The following GTPBP8 variants were observed in gnomAD, a reference collection of about 807,000 sequenced individuals.
GTPBP8 encodes GTP binding protein 8, also known as GTP-binding protein 8.
GTPBP8 carries 21 observed loss-of-function variants against 27.3 expected under a neutral mutation model. The observed-to-expected ratio is 0.77, with a 90% CI of 0.55 to 1.11. GTPBP8 has a LOEUF of 1.11. Among genes scored for constraint, GTPBP8 ranks in the 50% least tolerant of loss-of-function variants. The pLI is 0.00. For missense variants in GTPBP8, 380 were observed against 350.8 expected, an observed-to-expected ratio of 1.08 and a Z score of -0.67; for synonymous variants, 147 against 135.3, an observed-to-expected ratio of 1.09 and a Z score of -0.60.
intron 5 of GTPBP8, 51 bp downstream of exon 5, chr3:112,999,615 A>C: frequency 1.3e-6 from 1 of 752,160 alleles, no homozygotes; most frequent in Non-Finnish European, 2.3e-6. Flanking sequence ...AATCTTGAGA[A>C]TGTTGTGGGT....
chr3:112,991,147 C>T lies in GTPBP8; in HGVS notation c.148C>T (p.Pro50Ser), dbSNP rs146268536. 6 of 1,613,974 alleles carry T rather than the reference C, an allele frequency of 3.7e-6. No individual in the cohort carries two copies. The highest frequency in any genetic ancestry group is 5.1e-6 in the Non-Finnish European group (6 of 1,180,042). ...PKQQLRKLLY[P>S]LQEVERFLAP... ...GCAGCAGCTGAGGAAGCTGCTGTAC[C>T]CGCTGCAGGAAGTAGAGCGGTTCCT... The change falls in exon 1 of 6, where the codon CCG becomes TCG. Residue 50 changes from proline (P) to serine (S), a missense_variant. By Grantham distance (74) the Pro-to-Ser change is moderately conservative. Transcript: ENST00000383678.
rs1237341067 is a variant in GTPBP8, at chr3:113,001,308, A to AAGGGGGC, written c.*390_*396dup. 1 of 154,310 alleles carries AAGGGGGC rather than the reference A, an allele frequency of 6.5e-6. No individual in the cohort carries two copies. The highest frequency in any genetic ancestry group is 2.4e-5 in the African/African-American group (1 of 41,528). The allele number at this position is 154,310 out of a possible 1,614,324, so 9.6% of individuals were successfully genotyped here. A position where few individuals can be genotyped will look rare whatever the true frequency, so the allele number is the denominator to read the frequency against. ...TTAAATGTTAAAATGGGCTAGGTAA[A>AAGGGGGC]AGGGGGCTGCTTTTCTGTTAAGCAT... On this transcript the variant is annotated 3_prime_UTR_variant, in exon 6 of 6. Coordinates refer to ENST00000383678, the MANE Select transcript of GTPBP8 (RefSeq NM_014170.4).
chr3:113,001,274 AT>A lies in GTPBP8; in HGVS notation c.*365del, dbSNP rs11284516. 90,746 of 155,874 alleles carry A rather than the reference AT, an allele frequency of 0.58. 30,077 individuals are homozygous for A. Among genetic ancestry groups the A allele is most frequent in the Non-Finnish European group, 0.75 (52,840 of 70,890 alleles). The allele number at this position is 155,874 out of a possible 1,614,324, so 9.7% of individuals were successfully genotyped here. A position where few individuals can be genotyped will look rare whatever the true frequency, so the allele number is the denominator to read the frequency against. Reference sequence around the variant, plus strand: ...TTTAAAGAATATGTCTACTATGGGTATTTTTTTTTTAAATGTTAAAATGGGC... The same window carrying A: ...TTTAAAGAATATGTCTACTATGGGTATTTTTTTTTAAATGTTAAAATGGGC... On this transcript the variant is annotated 3_prime_UTR_variant, in exon 6 of 6. Coordinates refer to ENST00000383678, the MANE Select transcript of GTPBP8 (RefSeq NM_014170.4).
intron 3 of GTPBP8, 35 bp from the exon 4 acceptor site, chr3:112,996,857 T>C: frequency 1.1e-6 from 1 of 901,682 alleles, no homozygotes. Context: ...GTATATTTTA[T>C]ATTGCCATTA....
rs893750761 is a variant in GTPBP8, at chr3:113,001,853, A to G, written c.*934A>G. ...CTTTGAACTAAAGTTAATAGAGAAG[A>G]TTTTTGTGAAGGTGCCACTAACCTA... On this transcript the variant is annotated 3_prime_UTR_variant, in exon 6 of 6. Transcript: ENST00000383678. 4 of 152,204 alleles carry G rather than the reference A, an allele frequency of 2.6e-5. No individual in the cohort carries two copies. Among genetic ancestry groups the G allele is most frequent in the African/African-American group, 9.7e-5 (4 of 41,450 alleles). The allele number at this position is 152,204 out of a possible 1,614,324, so 9.4% of individuals were successfully genotyped here.
chr3:112,991,463 T>A, intron 1 of GTPBP8, 128 bp downstream of exon 1: 1 of 840,998 alleles, frequency 1.2e-6, no homozygotes, highest in South Asian at 1.4e-5. Context: ...TATATTATTT[T>A]AACTCAATAG....
At position 112,991,299 on chromosome 3, in the gene GTPBP8, C is replaced by T. The variant is rs775758887; in HGVS notation, c.300C>T (p.Val100=). ...GCATCGACTACGTCAGCTCCGCCGT[C>T]CGTATCGACCACGCCCCGGACCTTC... ...RNRIDYVSSA[V]RIDHAPDLPR... The change falls in exon 1 of 6, where the codon GTC becomes GTT. Residue 100 remains valine (V), a synonymous_variant. Transcript: ENST00000383678. 13 of 1,613,640 alleles carry T rather than the reference C, an allele frequency of 8.1e-6. No individual in the cohort carries two copies. Among genetic ancestry groups the T allele is most frequent in the Middle Eastern group, 1.6e-4 (1 of 6,084 alleles).
rs1299208240 is a variant in GTPBP8 at position 112,999,463 on chromosome 3, T to C, written c.684T>C (p.Ile228=). ...ALPYVIVLTK[I]DKSSKGHLLK... ...TCTTATAGATTGTATTAACAAAAAT[T>C]GACAAATCTTCCAAGGGACATCTTT... Residue 228 remains isoleucine, a synonymous_variant, in exon 5 of 6, where the codon ATT becomes ATC. Transcript: ENST00000383678. The C allele has an allele frequency of 1.4e-6, 2 of 1,455,682 alleles. No homozygotes were observed. Among genetic ancestry groups the C allele is most frequent in the African/African-American group, 2.8e-5 (2 of 70,922 alleles). 90.2% of individuals were successfully genotyped at this position (1,455,682 alleles called of 1,614,324 possible).
At chr3:112,991,372 C>T (rs1933675000) in intron 1 of GTPBP8, 37 bp downstream of exon 1, 2 of 1,580,966 alleles carry the variant, frequency 1.3e-6, no homozygotes, top group Non-Finnish European at 8.7e-7. Flanking sequence ...TGCGCGCCGG[C>T]GTCACAGCGC....
In GTPBP8 at chr3:113,001,591, T is replaced by C. The variant is rs990220199; in HGVS notation, c.*672T>C. 7.3e-5 allele frequency: 11 copies of C among 151,696 alleles called. No homozygotes were observed. Among genetic ancestry groups the C allele is most frequent in the African/African-American group, 2.7e-4 (11 of 41,252 alleles). The allele number at this position is 151,696 out of a possible 1,614,324, so 9.4% of individuals were successfully genotyped here. On this transcript the variant is annotated 3_prime_UTR_variant, in exon 6 of 6. Coordinates refer to ENST00000383678, the MANE Select transcript of GTPBP8 (RefSeq NM_014170.4). The stretch of plus-strand genomic sequence containing the variant: ...ATGAATGGTTTTACAGCAGGTAACA[T>C]GTGAGAAGACAGCTACATATTTGTA...
chr3:112,991,359 A>T, intron 1 of GTPBP8, 24 bp downstream of exon 1: 1 of 1,604,676 alleles, frequency 6.2e-7, no homozygotes, highest in Middle Eastern at 1.7e-4. Flanking sequence ...CTCACGGTTC[A>T]CCTGCGCGCC....
In GTPBP8 at chr3:112,991,204, C is replaced by G. The variant is rs1166042064; in HGVS notation, c.205C>G (p.Arg69Gly). The G allele has an allele frequency of 1.9e-6, 3 of 1,614,168 alleles. No individual in the cohort carries two copies. The East Asian group carries it at 6.7e-5, about 36-fold the overall frequency. Residue 69 changes from arginine (R) to glycine (G), a missense_variant, in exon 1 of 6, where the codon CGT becomes GGT. Physicochemically the swap from Arg to Gly is moderately radical, Grantham distance 125. Coordinates refer to ENST00000383678, the MANE Select transcript of GTPBP8 (RefSeq NM_014170.4). The stretch of plus-strand genomic sequence containing the variant: ...CTACGGGAGGCAAGACCTTCACCTG[C>G]GTATCTTTGACCCAAGCCCGGAGGA... ...APYGRQDLHL[R>G]IFDPSPEDIA... is the part of the protein sequence containing the mutation.
chr3:112,996,274 A>G (rs2107369235), intron 3 of GTPBP8, among the ~76,000 whole-genome samples: 1 of 151,990 alleles, frequency 6.6e-6, no homozygotes, highest in South Asian at 2.1e-4. Context: ...GCCTGGCAAC[A>G]TGGCAAAACC....
chr3:112,993,623 C>T (rs924631246), intron 2 of GTPBP8, among the ~76,000 whole-genome samples: 2 of 152,190 alleles, frequency 1.3e-5, no homozygotes, highest in East Asian at 3.8e-4. Context: ...TTCTTCTCAA[C>T]GACGCAGTCT....
chr3:112,992,821 A>G (rs1232546880), intron 1 of GTPBP8, among the ~76,000 whole-genome samples: 2 of 152,234 alleles, frequency 1.3e-5, no homozygotes, highest in Non-Finnish European at 2.9e-5. Flanking sequence ...GTGTTCTCTC[A>G]TCCGTAAAAT....
chr3:112,991,526 G>A (rs1010408203), intron 1 of GTPBP8, 191 bp downstream of exon 1: 5 of 711,450 alleles, frequency 7.0e-6, no homozygotes, highest in Non-Finnish European at 1.3e-5. Flanking sequence ...CCATTGTTAA[G>A]TACAAAATGC....
intron 4 of GTPBP8, among the ~76,000 whole-genome samples, chr3:112,998,411 A>G (rs1933827964): frequency 6.6e-6 from 1 of 152,162 alleles, no homozygotes; most frequent in Non-Finnish European, 1.5e-5. Flanking sequence ...ATTACAAAGG[A>G]TATAATGAAG....
Position 112,991,035 on chromosome 3 carries a change from AC to A in GTPBP8, c.37del (p.Leu13SerfsTer8). On this transcript the variant is annotated frameshift_variant, in exon 1 of 6. Coordinates refer to ENST00000383678, the MANE Select transcript of GTPBP8 (RefSeq NM_014170.4). LOFTEE classifies it high-confidence loss of function. Reference protein sequence around the residue: ...APGLRLGAGRLFEMPAVLERL... With the variant: ...APGLRLGAGRXFEMPAVLERL... ...CCGGGCTGCGGCTGGGAGCGGGAAG[AC>A]TCTTTGAAATGCCTGCGGTGCTAGA... is the stretch of plus-strand genomic sequence containing the variant. 6.2e-7 allele frequency: 1 copy of A among 1,603,264 alleles called. No homozygotes were observed. Among genetic ancestry groups the A allele is most frequent in the East Asian group, 2.2e-5 (1 of 44,580 alleles).
intron 4 of GTPBP8, among the ~76,000 whole-genome samples, chr3:112,997,445 G>A (rs976378228): frequency 1.3e-5 from 2 of 152,190 alleles, no homozygotes; most frequent in African/African-American, 4.8e-5. Context: ...GCACACACAA[G>A]TAGGATTTTT....
Sources: allele counts gnomAD v4.1 joint callset (sites outside exome capture counted in the v4.1 genomes callset), GRCh38; gene constraint gnomAD v4.1.1; transcripts MANE v1.5; gene names NCBI Gene and HGNC (gene_info 2026-07-23, HGNC 2026-07-21).